The following KBTBD11 variants were observed in gnomAD, a reference collection of about 807,000 sequenced individuals.
KBTBD11 encodes the protein kelch repeat and BTB domain containing 11.
For synonymous variants in KBTBD11, 747 were observed against 499.0 expected, an observed-to-expected ratio of 1.50 and a Z score of -6.63; for missense variants, 1,390 against 1,001.8, an observed-to-expected ratio of 1.39 and a Z score of -5.23.
chr8:2,005,154 G>C lies in KBTBD11; in HGVS notation c.*2090G>C, dbSNP rs189243009. The C allele has an allele frequency of 1.2e-3, 202 of 167,212 alleles. 1 individual carries two copies. The highest frequency in any genetic ancestry group is 7.8e-4 in the Non-Finnish European group (53 of 68,118). 10.4% of individuals were successfully genotyped at this position (167,212 alleles called of 1,614,324 possible). On this transcript the variant is annotated 3_prime_UTR_variant, in exon 2 of 2. Transcript: ENST00000320248. ...CCTGTGCGGTTCCCATGGCTTTCCA[G>C]CGTTTCATTTAGTGAAGGAATGCTC...
chr8:1,977,038 A>G (rs939246969), intron 1 of KBTBD11, among the ~76,000 whole-genome samples: 1 of 152,086 alleles, frequency 6.6e-6, no homozygotes, highest in Non-Finnish European at 1.5e-5. Flanking sequence ...ACAGCTTTGA[A>G]TGAGGCCCAA....
intron 1 of KBTBD11, among the ~76,000 whole-genome samples, chr8:1,990,266 C>T (rs553981529): frequency 7.0e-6 from 1 of 142,158 alleles, no homozygotes; most frequent in Non-Finnish European, 1.5e-5. Flanking sequence ...CCTTGGCGCC[C>T]TGTCTGGGTA....
intron 1 of KBTBD11, among the ~76,000 whole-genome samples, chr8:1,995,827 C>G (rs1281639476): frequency 6.6e-6 from 1 of 152,182 alleles, no homozygotes; most frequent in Non-Finnish European, 1.5e-5. Context: ...AAGTTCAGGA[C>G]CACTCTGGGA....
chr8:1,985,746 T>C (rs2129310902), intron 1 of KBTBD11, among the ~76,000 whole-genome samples: 1 of 152,320 alleles, frequency 6.6e-6, no homozygotes, highest in South Asian at 2.1e-4. Context: ...TGAGCCATGA[T>C]TGCACCCCTG....
intron 1 of KBTBD11, among the ~76,000 whole-genome samples, chr8:1,985,712 C>T (rs772824269): frequency 2.6e-5 from 4 of 152,236 alleles, no homozygotes; most frequent in Non-Finnish European, 4.4e-5. Context: ...TGAATCTCAG[C>T]GCTTTGGGAG....
intron 1 of KBTBD11, among the ~76,000 whole-genome samples, chr8:1,979,798 G>T (rs1214475744): frequency 6.6e-6 from 1 of 152,262 alleles, no homozygotes; most frequent in African/African-American, 2.4e-5. Flanking sequence ...AAGTGCAGCT[G>T]GGTGCAGGTT....
At position 2,001,042 on chromosome 8, in the gene KBTBD11, CA is replaced by C. The variant is rs35165869; in HGVS notation, c.-149del. On this transcript the variant is annotated 5_prime_UTR_variant, in exon 2 of 2. An upstream open reading frame in the 5' UTR gains an earlier in-frame stop. Transcript: ENST00000320248. ...TGTGAGATTCCCCCCTTCACACACA[CA>C]ACAACAAAGCGTGGACACACAGAAG... The C allele has an allele frequency of 4.3e-5, 13 of 300,852 alleles. No homozygotes were observed. The highest frequency in any genetic ancestry group is 5.7e-4 in the East Asian group (1 of 1,760). 18.6% of individuals were successfully genotyped at this position (300,852 alleles called of 1,614,324 possible).
rs151040857 is a variant in KBTBD11, at chr8:1,985,420, G to A, written c.-909+11485G>A. ...TTAGGGGTTCCCCCTCGGGAATTCC[G>A]AACACTGGACAGTCTCCAGGGGAGA... On this transcript the variant is annotated intron_variant, in intron 1 of 1. Coordinates refer to ENST00000320248, the MANE Select transcript of KBTBD11 (RefSeq NM_014867.3). Among the ~76,000 whole-genome samples, 535 of 152,364 alleles carry A rather than the reference G, an allele frequency of 3.5e-3. 8 individuals are homozygous for A. The highest frequency in any genetic ancestry group is 0.013 in the African/African-American group (521 of 41,600).
At position 2,005,750 on chromosome 8, in the gene KBTBD11, C is replaced by G. The variant is rs1320643563; in HGVS notation, c.*2686C>G. The G allele has an allele frequency of 6.0e-6, 1 of 167,064 alleles. No individual in the cohort carries two copies. Among genetic ancestry groups the G allele is most frequent in the Non-Finnish European group, 1.5e-5 (1 of 68,124 alleles). The allele number at this position is 167,064 out of a possible 1,614,324, so 10.3% of individuals were successfully genotyped here. A position where few individuals can be genotyped will look rare whatever the true frequency, so the allele number is the denominator to read the frequency against. On this transcript the variant is annotated 3_prime_UTR_variant, in exon 2 of 2. Transcript: ENST00000320248. ...CATGAAATTAACCCGTATGCCGGGG[C>G]ATTTCCAAATGTCTGACTCGTGAAA...
chr8:1,984,729 G>A (rs1384533704), intron 1 of KBTBD11, among the ~76,000 whole-genome samples: 2 of 152,152 alleles, frequency 1.3e-5, no homozygotes, highest in African/African-American at 4.8e-5. Context: ...TTGGGCAGAT[G>A]TGGCAGACTT....
rs1816198015 is a variant in KBTBD11 at position 1,973,687 on chromosome 8, C to G, written c.-1157C>G. 6.1e-6 allele frequency: 6 copies of G among 983,498 alleles called. No homozygotes were observed. The highest frequency in any genetic ancestry group is 7.2e-6 in the Non-Finnish European group (6 of 829,064). 60.9% of individuals were successfully genotyped at this position (983,498 alleles called of 1,614,324 possible). ...CCCGCCCCCCTCCCCGCGCCCCGCG[C>G]GCGCCCCTCGCAGCCTGGAGCCGGA... is the stretch of plus-strand genomic sequence containing the variant. On this transcript the variant is annotated 5_prime_UTR_variant, in exon 1 of 2. Coordinates refer to ENST00000320248, the MANE Select transcript of KBTBD11 (RefSeq NM_014867.3).
At chr8:1,996,291 G>C (rs926991843) in intron 1 of KBTBD11, among the ~76,000 whole-genome samples, 1 of 152,018 alleles carries the variant, frequency 6.6e-6, no homozygotes, top group Non-Finnish European at 1.5e-5. Context: ...TTTTGGACGG[G>C]GTTTCACTCT....
intron 1 of KBTBD11, among the ~76,000 whole-genome samples, chr8:1,980,800 C>T (rs975535541): frequency 1.1e-4 from 16 of 152,328 alleles, no homozygotes; most frequent in African/African-American, 3.4e-4. Context: ...AGAGTGCCAG[C>T]GAGAGCAGAT....
At chr8:1,974,141 AGGGGG>A (rs1563357768) in intron 1 of KBTBD11, among the ~76,000 whole-genome samples, 1 of 22,056 alleles carries the variant, frequency 4.5e-5, no homozygotes, top group Non-Finnish European at 8.8e-5. Flanking sequence ...AGGGGAGGGG[AGGGGG>A]GACCGGGAGA....
chr8:1,997,135 C>A (rs574106546), intron 1 of KBTBD11, among the ~76,000 whole-genome samples: 3 of 152,218 alleles, frequency 2.0e-5, no homozygotes, highest in Non-Finnish European at 4.4e-5. Flanking sequence ...TCCAAACCCT[C>A]CGGCGGGGGG....
chr8:1,988,349 C>T (rs574475687), intron 1 of KBTBD11, among the ~76,000 whole-genome samples: 32 of 152,334 alleles, frequency 2.1e-4, no homozygotes, highest in African/African-American at 7.5e-4. Flanking sequence ...CTCCCACCAA[C>T]AGTGTAAAAG....
rs1817541372 is a variant in KBTBD11 at position 2,005,375 on chromosome 8, A to G, written c.*2311A>G. ...ACAGTTCTGAATAGTGATATCACATAAAAATACATACTAGAGGACCTGCCA... is the reference window on the plus strand; with the variant it reads ...ACAGTTCTGAATAGTGATATCACATGAAAATACATACTAGAGGACCTGCCA... On this transcript the variant is annotated 3_prime_UTR_variant, in exon 2 of 2. Coordinates refer to ENST00000320248, the MANE Select transcript of KBTBD11 (RefSeq NM_014867.3). The G allele has an allele frequency of 6.0e-6, 1 of 167,124 alleles. No individual in the cohort carries two copies. The highest frequency in any genetic ancestry group is 2.1e-4 in the South Asian group (1 of 4,830). 10.4% of individuals were successfully genotyped at this position (167,124 alleles called of 1,614,324 possible).
chr8:1,993,301 A>ACATG (rs1426904049), intron 1 of KBTBD11, among the ~76,000 whole-genome samples: 1 of 151,858 alleles, frequency 6.6e-6, no homozygotes, highest in Non-Finnish European at 1.5e-5. Context: ...TCCCTAGCTA[A>ACATG]CATGCATTCA....
At chr8:1,974,763 A>G (rs1563358400) in intron 1 of KBTBD11, 2 of 935,468 alleles carry the variant, frequency 2.1e-6, no homozygotes, top group Non-Finnish European at 2.5e-6. Context: ...AGGGTGAACC[A>G]AAGTCCCTCC....
Sources: gnomAD v4.1 joint callset for allele counts (sites outside exome capture counted in the v4.1 genomes callset) on GRCh38, gnomAD v4.1.1 for gene constraint, MANE v1.5 for transcripts, NCBI Gene and HGNC (gene_info 2026-07-23, HGNC 2026-07-21) for gene names.